The following SNCAIP variants were observed in gnomAD, a reference collection of about 807,000 sequenced individuals.
SNCAIP encodes the protein synphilin-1.
In SNCAIP, 43 loss-of-function variants were observed where a neutral mutation model predicts 86.7. The observed-to-expected ratio is 0.50, with a 90% CI of 0.39 to 0.64. SNCAIP has a LOEUF of 0.64. Ranked by LOEUF, SNCAIP falls within the 30% of genes least tolerant of loss-of-function variation. The probability of loss-of-function intolerance (pLI) is 0.00; values close to 1 mark genes in which losing one functional copy is unlikely to be tolerated. For missense variants in SNCAIP, 981 were observed against 1,103.1 expected (o/e 0.89, Z 1.57); for synonymous variants, 417 against 427.2 (o/e 0.98, Z 0.29).
intron 3 of SNCAIP, among the ~76,000 whole-genome samples, chr5:122,420,132 G>C (rs1029259661): frequency 1.3e-5 from 2 of 152,176 alleles, no homozygotes; most frequent in Non-Finnish European, 2.9e-5. Context: ...GCCTCAAAAA[G>C]AGCCATAGGT....
chr5:122,410,103 ATTGT>A (rs1218368290), intron 3 of SNCAIP, among the ~76,000 whole-genome samples: 6 of 152,238 alleles, frequency 3.9e-5, no homozygotes, highest in Non-Finnish European at 8.8e-5. Context: ...TCTAGATGAG[ATTGT>A]TTATCAAATA....
At chr5:122,457,919 T>C (rs1340189616) in intron 10 of SNCAIP, among the ~76,000 whole-genome samples, 1 of 152,164 alleles carries the variant, frequency 6.6e-6, no homozygotes, top group Non-Finnish European at 1.5e-5. Context: ...AAAATGTCCA[T>C]GTTATGAGAA....
intron 10 of SNCAIP, among the ~76,000 whole-genome samples, chr5:122,457,269 T>C (rs976842615): frequency 1.3e-5 from 2 of 152,136 alleles, no homozygotes; most frequent in African/African-American, 4.8e-5. Flanking sequence ...TCCCAAAGTG[T>C]TGGGATTACA....
At chr5:122,401,050 C>T in intron 2 of SNCAIP, 2 of 1,550,200 alleles carry the variant, frequency 1.3e-6, no homozygotes, top group Non-Finnish European at 1.7e-6. Context: ...AGGGAAGATG[C>T]AATGGGCTTT....
intron 8 of SNCAIP, among the ~76,000 whole-genome samples, chr5:122,449,580 T>C (rs1009508825): frequency 9.9e-5 from 15 of 152,158 alleles, no homozygotes; most frequent in African/African-American, 3.6e-4. Flanking sequence ...ATAGAAATAA[T>C]TATAATTTGT....
chr5:122,386,518 C>T (rs1244923339), intron 1 of SNCAIP, among the ~76,000 whole-genome samples: 1 of 152,188 alleles, frequency 6.6e-6, no homozygotes, highest in African/African-American at 2.4e-5. Flanking sequence ...AAGAGTCCTA[C>T]AAACATTGAG....
At chr5:122,412,674 T>G (rs949190153) in intron 3 of SNCAIP, among the ~76,000 whole-genome samples, 2 of 152,182 alleles carry the variant, frequency 1.3e-5, no homozygotes, top group African/African-American at 4.8e-5. Context: ...ATCTACATGC[T>G]GCTGTGAATC....
chr5:122,370,777 G>T (rs552057702), intron 1 of SNCAIP, among the ~76,000 whole-genome samples: 1 of 152,188 alleles, frequency 6.6e-6, no homozygotes. Flanking sequence ...TTTGCTAATT[G>T]TTTGCAAAGT....
At chr5:122,335,687 G>A (rs1384906647) in intron 1 of SNCAIP, among the ~76,000 whole-genome samples, 1 of 152,156 alleles carries the variant, frequency 6.6e-6, no homozygotes, top group South Asian at 2.1e-4. Context: ...CTCTGACATA[G>A]TCTCACTTAA....
At chr5:122,348,792 G>T (rs745875866) in intron 1 of SNCAIP, among the ~76,000 whole-genome samples, 18 of 152,072 alleles carry the variant, frequency 1.2e-4, no homozygotes, top group Non-Finnish European at 2.4e-4. Context: ...CAAAAGATGA[G>T]AAAATATCTG....
intron 10 of SNCAIP, among the ~76,000 whole-genome samples, chr5:122,456,874 T>C (rs1784873533): frequency 6.6e-6 from 1 of 152,236 alleles, no homozygotes; most frequent in Non-Finnish European, 1.5e-5. Context: ...ATCTCACCAA[T>C]GCAACAGTTC....
At chr5:122,329,835 C>G (rs1222366010) in intron 1 of SNCAIP, among the ~76,000 whole-genome samples, 1 of 152,116 alleles carries the variant, frequency 6.6e-6, no homozygotes, top group African/African-American at 2.4e-5. Flanking sequence ...GAATTACTCT[C>G]ATCAAAATGG....
intron 1 of SNCAIP, among the ~76,000 whole-genome samples, chr5:122,390,872 A>G (rs1023323524): frequency 2.0e-5 from 3 of 152,178 alleles, no homozygotes; most frequent in African/African-American, 7.2e-5. Context: ...AAGGACTTTG[A>G]GTGCCCACTG....
chr5:122,441,548 G>A (rs972932978), intron 7 of SNCAIP, among the ~76,000 whole-genome samples: 2 of 152,172 alleles, frequency 1.3e-5, no homozygotes, highest in Admixed American at 1.3e-4. Context: ...AGAGAGTGTA[G>A]GGTTCCTATG....
intron 1 of SNCAIP, among the ~76,000 whole-genome samples, chr5:122,390,122 G>A (rs990568621): frequency 1.3e-5 from 2 of 152,070 alleles, no homozygotes; most frequent in Non-Finnish European, 1.5e-5. Flanking sequence ...CAATCAAAGA[G>A]GGCAAAATGA....
At chr5:122,427,145 T>C (rs1395949112) in intron 5 of SNCAIP, among the ~76,000 whole-genome samples, 4 of 152,224 alleles carry the variant, frequency 2.6e-5, no homozygotes, top group Non-Finnish European at 5.9e-5. Context: ...TGGTAGATTA[T>C]TTATATAGGT....
intron 1 of SNCAIP, among the ~76,000 whole-genome samples, chr5:122,328,423 T>C (rs1029327826): frequency 4.6e-5 from 7 of 152,236 alleles, no homozygotes; most frequent in Admixed American, 2.0e-4. Flanking sequence ...GTTTGGTGAA[T>C]AGCCCCAGCT....
In SNCAIP at chr5:122,463,553, A is replaced by T. The variant is rs1227164473; in HGVS notation, c.*57A>T. ...AGCATAAAGCACATTGCTGAGCCAG[A>T]GTCAAAAGAACTCTTCTTGTAAATC... is the stretch of plus-strand genomic sequence containing the variant. On this transcript the variant is annotated 3_prime_UTR_variant, in exon 11 of 11. Coordinates refer to ENST00000261368, the MANE Select transcript of SNCAIP (RefSeq NM_005460.4). 3.8e-6 allele frequency: 6 copies of T among 1,599,500 alleles called. No homozygotes were observed. Among genetic ancestry groups the T allele is most frequent in the Non-Finnish European group, 5.1e-6 (6 of 1,168,910 alleles).
chr5:122,318,501 T>C (rs1238716101), intron 1 of SNCAIP, among the ~76,000 whole-genome samples: 2 of 152,210 alleles, frequency 1.3e-5, no homozygotes, highest in Non-Finnish European at 2.9e-5. Flanking sequence ...TTGCCCACCA[T>C]GTATCTCAAA....
Sources: allele counts gnomAD v4.1 joint callset (sites outside exome capture counted in the v4.1 genomes callset), GRCh38; gene constraint gnomAD v4.1.1; transcripts MANE v1.5; gene names NCBI Gene and HGNC (gene_info 2026-07-23, HGNC 2026-07-21).